SBK2: variants seen among roughly 807,000 people sequenced by gnomAD.
The protein encoded by SBK2 is serine/threonine-protein kinase SBK2.
A neutral mutation model predicts 15.9 loss-of-function variants in SBK2; 18 were observed. That is an observed-to-expected ratio of 1.13 (90% CI 0.78 to 1.68). The LOEUF is 1.68. SBK2 is among the 40% of genes most tolerant of loss of function. The pLI is 0.00. For synonymous variants in SBK2, 284 were observed against 246.8 expected, an observed-to-expected ratio of 1.15 and a Z score of -1.41; for missense variants, 581 against 510.9, an observed-to-expected ratio of 1.14 and a Z score of -1.32.
rs775300148 is a variant in SBK2, at chr19:55,531,305, C to T, written c.294G>A (p.Thr98=). The change falls in exon 3 of 4, where the codon ACG becomes ACA. Residue 98 remains threonine (T), a synonymous_variant. Coordinates refer to ENST00000413299, the MANE Select transcript of SBK2 (RefSeq NM_001370096.2). ...LALKQLPKPR[T]SLRGFLYEFC... ...ACTCGTACAGGAAGCCACGGAGGGA[C>T]GTGCGGGGTTTCGGGAGCTGCTTCA... The T allele has an allele frequency of 1.6e-5, 25 of 1,612,620 alleles. 1 individual carries two copies. Among genetic ancestry groups the T allele is most frequent in the African/African-American group, 5.3e-5 (4 of 74,888 alleles).
chr19:55,535,935 G>A (rs1490178898), intron 2 of SBK2, 107 bp downstream of exon 2: 13 of 1,077,986 alleles, frequency 1.2e-5, no homozygotes, highest in Non-Finnish European at 1.5e-5. Context: ...TTGGAGGGCA[G>A]AGGTAAGACT....
intron 1 of SBK2, among the ~76,000 whole-genome samples, chr19:55,536,654 G>T (rs1988413530): frequency 6.6e-6 from 1 of 151,990 alleles, no homozygotes; most frequent in African/African-American, 2.4e-5. Context: ...TGGGCTCAGG[G>T]CTGGGAGGGC....
At chr19:55,532,603 T>G (rs200012838) in intron 2 of SBK2, among the ~76,000 whole-genome samples, 3 of 89,132 alleles carry the variant, frequency 3.4e-5, no homozygotes, top group African/African-American at 1.3e-4. Context: ...CACCCGCCCT[T>G]TTTTTTTTTT....
chr19:55,530,087 G>C lies in SBK2; in HGVS notation c.693C>G (p.Pro231=). 1 of 1,440,894 alleles carries C rather than the reference G, an allele frequency of 6.9e-7. No homozygotes were observed. Among genetic ancestry groups the C allele is most frequent in the Non-Finnish European group, 9.1e-7 (1 of 1,103,018 alleles). 89.3% of individuals were successfully genotyped at this position (1,440,894 alleles called of 1,614,324 possible). A position where few individuals can be genotyped will look rare whatever the true frequency, so the allele number is the denominator to read the frequency against. Residue 231 remains proline (P), a synonymous_variant, in exon 4 of 4, where the codon CCC becomes CCG. Coordinates refer to ENST00000413299, the MANE Select transcript of SBK2 (RefSeq NM_001370096.2). ...TGGGCAGGCCCTCGGGGAGCGGCGG[G>C]GGCGCGCAGAGCTCGGGGGCCGTGT... The part of the protein sequence containing the change: ...IPYTAPELCA[P]PPLPEGLPIQ...
chr19:55,530,321 C>G lies in SBK2; in HGVS notation c.459G>C (p.Val153=), dbSNP rs544071497. ...GGTGCACCGCGGGCTGCGGGAGGCC[C>G]ACCTGCGGGGAGAGGGGTCAGGGCC... is the stretch of plus-strand genomic sequence containing the variant. ...GDLMAFIQPK[V]GLPQPAVHRC... The change falls in exon 4 of 4, where the codon GTG becomes GTC. Residue 153 remains valine, a splice_region_variant and synonymous_variant. Coordinates refer to ENST00000413299, the MANE Select transcript of SBK2 (RefSeq NM_001370096.2). 3.6e-6 allele frequency: 5 copies of G among 1,404,320 alleles called. No homozygotes were observed. Among genetic ancestry groups the G allele is most frequent in the Non-Finnish European group, 4.6e-6 (5 of 1,081,264 alleles). 87.0% of individuals were successfully genotyped at this position (1,404,320 alleles called of 1,614,324 possible).
In SBK2 at chr19:55,529,898, G is replaced by A; in HGVS notation, c.882C>T (p.Phe294=). The A allele has an allele frequency of 1.3e-6, 2 of 1,569,086 alleles. No homozygotes were observed. The highest frequency in any genetic ancestry group is 1.2e-5 in the South Asian group (1 of 86,436). ...GCGCGTCGGCCGCGGCGGCCAGGCC[G>A]AACCAGGGCTGAGGGCGGTCCCGGG... is the stretch of plus-strand genomic sequence containing the variant. The part of the protein sequence containing the change: ...GQPRDRPQPW[F]GLAAAADALL... Residue 294 remains phenylalanine (F), a synonymous_variant, in exon 4 of 4, where the codon TTC becomes TTT. Coordinates refer to ENST00000413299, the MANE Select transcript of SBK2 (RefSeq NM_001370096.2).
At position 55,530,251 on chromosome 19, in the gene SBK2, G is replaced by A. The variant is rs1171762038; in HGVS notation, c.529C>T (p.Arg177Cys). ...LASALEYIHARGLVYRDLKPE... is the reference protein window; with the variant it reads ...LASALEYIHACGLVYRDLKPE... ...TTCAGGTCCCGGTACACCAGGCCGC[G>A]GGCGTGGATGTACTCCAGGGCGGAG... The change falls in exon 4 of 4, where the codon CGC (arginine) becomes TGC (cysteine). Residue 177 changes from arginine (R) to cysteine (C), a missense_variant. Transcript: ENST00000413299. 2.0e-6 allele frequency: 3 copies of A among 1,512,464 alleles called. No individual in the cohort carries two copies. The highest frequency in any genetic ancestry group is 1.4e-5 in the African/African-American group (1 of 70,220). 93.7% of individuals were successfully genotyped at this position (1,512,464 alleles called of 1,614,324 possible).
chr19:55,532,279 A>C (rs568261462), intron 2 of SBK2, among the ~76,000 whole-genome samples: 1 of 149,388 alleles, frequency 6.7e-6, no homozygotes, highest in East Asian at 2.0e-4. Context: ...TCCCCGAAGG[A>C]ACTTCTGATG....
rs1414121177 is a variant in SBK2, at chr19:55,530,290, C to A, written c.490G>T (p.Ala164Ser). ...TCCAGGGCGGAGGCCAGCTGGGCGG[C>A]GCAGCGGTGCACCGCGGGCTGCGGG... Reference protein sequence around the residue: ...GLPQPAVHRCAAQLASALEYI... With the variant: ...GLPQPAVHRCSAQLASALEYI... The change falls in exon 4 of 4, where the codon GCC becomes TCC. Residue 164 changes from alanine to serine, a missense_variant. Ala to Ser is a moderately conservative substitution (Grantham distance 99). Transcript: ENST00000413299. The A allele has an allele frequency of 6.9e-7, 1 of 1,449,680 alleles. No individual in the cohort carries two copies. Among genetic ancestry groups the A allele is most frequent in the Non-Finnish European group, 9.1e-7 (1 of 1,100,896 alleles). 89.8% of individuals were successfully genotyped at this position (1,449,680 alleles called of 1,614,324 possible).
rs1392457688 is a variant in SBK2 at position 55,536,197 on chromosome 19, TG to T, written c.97del (p.Gln33SerfsTer13). ...GLGGLTLEELQQGQEAARALE... is the reference protein window; with the variant it reads ...GLGGLTLEELXQGQEAARALE... ...CGCGCGGGCAGCCTCCTGGCCCTGC[TG>T]GAGCTCCTCTAATGTCAGGCCGCCC... is the stretch of plus-strand genomic sequence containing the variant. On this transcript the variant is annotated frameshift_variant, in exon 2 of 4. Transcript: ENST00000413299. LOFTEE classifies it high-confidence loss of function. 1 of 1,607,856 alleles carries T rather than the reference TG, an allele frequency of 6.2e-7. No individual in the cohort carries two copies. The highest frequency in any genetic ancestry group is 8.5e-7 in the Non-Finnish European group (1 of 1,177,512).
At chr19:55,535,671 C>T (rs1480064559) in intron 2 of SBK2, among the ~76,000 whole-genome samples, 3 of 152,088 alleles carry the variant, frequency 2.0e-5, no homozygotes, top group Non-Finnish European at 4.4e-5. Flanking sequence ...AGTACGAGAC[C>T]ACCCTGGCCA....
chr19:55,530,391 G>A, intron 3 of SBK2, 68 bp from the exon 4 acceptor site: 3 of 1,339,504 alleles, frequency 2.2e-6, no homozygotes, highest in Non-Finnish European at 2.9e-6. Flanking sequence ...CAGGAAGCAG[G>A]CCCAGGACGC....
At chr19:55,531,417 C>G (rs944126543) in intron 2 of SBK2, 72 bp from the exon 3 acceptor site, 3 of 1,206,980 alleles carry the variant, frequency 2.5e-6, no homozygotes, top group African/African-American at 3.0e-5. Flanking sequence ...CTCTGTTCCC[C>G]TGTGGTCCCC....
chr19:55,534,908 C>T (rs928936262), intron 2 of SBK2, among the ~76,000 whole-genome samples: 2 of 151,440 alleles, frequency 1.3e-5, no homozygotes, highest in African/African-American at 2.4e-5. Context: ...ACCTGTAATC[C>T]CAGCTACTCG....
In SBK2 at chr19:55,536,253, C is replaced by T. The variant is rs796207013; in HGVS notation, c.42G>A (p.Gly14=). The T allele has an allele frequency of 7.5e-6, 12 of 1,592,136 alleles. No individual in the cohort carries two copies. In the South Asian group the frequency reaches 1.0e-4, roughly 13 times the overall value. Residue 14 remains glycine, a synonymous_variant, in exon 2 of 4, where the codon GGG becomes GGA. Coordinates refer to ENST00000413299, the MANE Select transcript of SBK2 (RefSeq NM_001370096.2). Reference sequence around the variant, plus strand: ...CCTCCTCCTCGCTGTCCTCCGAAGCCCCTGCCTCCGCCGGCCCTTCCTCAG... The same window carrying T: ...CCTCCTCCTCGCTGTCCTCCGAAGCTCCTGCCTCCGCCGGCCCTTCCTCAG... ...KQSEEGPAEA[G]ASEDSEEEGL...
intron 2 of SBK2, 68 bp downstream of exon 2, chr19:55,535,974 T>C: frequency 6.5e-6 from 9 of 1,376,374 alleles, no homozygotes; most frequent in Non-Finnish European, 8.6e-6. Flanking sequence ...CTCCCCAGCC[T>C]GGGCTACCCC....
chr19:55,531,069 C>A (rs1988244583), intron 3 of SBK2, 74 bp downstream of exon 3: 5 of 1,401,866 alleles, frequency 3.6e-6, no homozygotes, highest in South Asian at 1.2e-5. Flanking sequence ...GTGGCTCCTG[C>A]GGCCCAGGCT....
chr19:55,529,931 C>A lies in SBK2; in HGVS notation c.849G>T (p.Ser283=). The A allele has an allele frequency of 6.5e-7, 1 of 1,527,358 alleles. No homozygotes were observed. Among genetic ancestry groups the A allele is most frequent in the Non-Finnish European group, 8.8e-7 (1 of 1,140,614 alleles). The allele number at this position is 1,527,358 out of a possible 1,614,324, so 94.6% of individuals were successfully genotyped here. A position where few individuals can be genotyped will look rare whatever the true frequency, so the allele number is the denominator to read the frequency against. ...GCTGAGGGCGGTCCCGGGGCTGGCC[C>A]GACGCCTGCCAGATGAGGAAGTCCT... ...FYEDFLIWQA[S]GQPRDRPQPW... Residue 283 remains serine (S), a synonymous_variant, in exon 4 of 4, where the codon TCG becomes TCT. Transcript: ENST00000413299.
rs779269707 is a variant in SBK2 at position 55,531,330 on chromosome 19, A to T, written c.269T>A (p.Leu90Gln). The change falls in exon 3 of 4, where the codon CTG becomes CAG. Residue 90 changes from leucine to glutamine, a missense_variant. By Grantham distance (113) the Leu-to-Gln change is moderately radical (BLOSUM62 -2). Coordinates refer to ENST00000413299, the MANE Select transcript of SBK2 (RefSeq NM_001370096.2). Reference sequence around the variant, plus strand: ...CGTGCGGGGTTTCGGGAGCTGCTTCAGTGCCAGGGGTGTGCCTGGGGCAGC... The same window carrying T: ...CGTGCGGGGTTTCGGGAGCTGCTTCTGTGCCAGGGGTGTGCCTGGGGCAGC... ...THRQKGTPLA[L>Q]KQLPKPRTSL... is the part of the protein sequence containing the mutation. The T allele has an allele frequency of 6.2e-7, 1 of 1,607,156 alleles. No homozygotes were observed. Among genetic ancestry groups the T allele is most frequent in the African/African-American group, 1.3e-5 (1 of 74,772 alleles).
Sources: gnomAD v4.1 joint callset for allele counts (sites outside exome capture counted in the v4.1 genomes callset) on GRCh38, gnomAD v4.1.1 for gene constraint, MANE v1.5 for transcripts, NCBI Gene and HGNC (gene_info 2026-07-23, HGNC 2026-07-21) for gene names.